ADAM12: variants seen among roughly 807,000 people sequenced by gnomAD.
ADAM12 encodes disintegrin and metalloproteinase domain-containing protein 12.
Under a neutral mutation model 106.4 loss-of-function variants are expected in ADAM12, and 70 were observed. The observed-to-expected ratio is 0.66, with a 90% CI of 0.54 to 0.80. ADAM12 has a LOEUF of 0.80. Ranked by LOEUF, ADAM12 falls within the 30% of genes least tolerant of loss-of-function variation. The pLI is 0.00. For synonymous variants in ADAM12, 420 were observed against 433.5 expected (o/e 0.97, Z 0.39); for missense variants, 1,010 against 1,171.9 (o/e 0.86, Z 2.02).
At chr10:126,074,741 C>G (rs780800314) in intron 11 of ADAM12, among the ~76,000 whole-genome samples, 4 of 152,198 alleles carry the variant, frequency 2.6e-5, no homozygotes, top group Admixed American at 2.0e-4. Flanking sequence ...CTCTGAGGAA[C>G]AGCATCCTAG....
chr10:126,256,920 A>AATG (rs35511415), intron 3 of ADAM12, among the ~76,000 whole-genome samples: 28,967 of 97,068 alleles, frequency 0.3, 3,061 homozygotes, highest in South Asian at 0.47. Context: ...TAATAATAAT[A>AATG]ATGATGATGA....
intron 3 of ADAM12, among the ~76,000 whole-genome samples, chr10:126,221,404 A>AAAAAAAAAG (rs1554989461): frequency 1.3e-5 from 2 of 149,852 alleles, no homozygotes; most frequent in African/African-American, 4.9e-5. Context: ...AAAAAAAAAA[A>AAAAAAAAAG]AAAGAAAGAA....
chr10:126,317,398 C>A (rs1218671675), intron 2 of ADAM12, among the ~76,000 whole-genome samples: 1 of 152,134 alleles, frequency 6.6e-6, no homozygotes, highest in Non-Finnish European at 1.5e-5. Flanking sequence ...TAGGTTCAAG[C>A]AAAAAGAAGA....
chr10:126,193,127 T>C (rs904056020), intron 3 of ADAM12, among the ~76,000 whole-genome samples: 5 of 151,668 alleles, frequency 3.3e-5, no homozygotes, highest in Non-Finnish European at 7.4e-5. Flanking sequence ...TAGCCGGGTG[T>C]GATGGCCTGT....
chr10:126,132,558 C>G (rs1229079964), intron 5 of ADAM12, among the ~76,000 whole-genome samples: 1 of 142,240 alleles, frequency 7.0e-6, no homozygotes, highest in African/African-American at 2.6e-5. Context: ...GTCCCAGAAT[C>G]AAAGAACAAA....
At chr10:126,069,159 A>T (rs988680566) in intron 12 of ADAM12, among the ~76,000 whole-genome samples, 7 of 152,234 alleles carry the variant, frequency 4.6e-5, no homozygotes, top group Admixed American at 3.3e-4. Flanking sequence ...TTTGCCTAAA[A>T]TTCTTAGGCA....
Position 126,094,118 on chromosome 10 carries a change from G to T in ADAM12, c.1012C>A (p.Pro338Thr). The change falls in exon 11 of 23, where the codon CCC (proline) becomes ACC (threonine). Residue 338 changes from proline (P) to threonine (T), a missense_variant. Around this residue, in one of 3 missense-constraint regions of ADAM12, gnomAD observed 391 missense variants for 442.9 expected, o/e 0.88. Transcript: ENST00000448723. ...GCCAGGGTCACGGCTGCACCAAGGGGATTGTCTGAATGGTCCTCAAAGAAA... is the reference window on the plus strand; with the variant it reads ...GCCAGGGTCACGGCTGCACCAAGGGTATTGTCTGAATGGTCCTCAAAGAAA... The part of the protein sequence containing the change: ...GGIVMDHSDN[P>T]LGAAVTLAHE... 2 of 1,614,050 alleles carry T rather than the reference G, an allele frequency of 1.2e-6. No homozygotes were observed. Among genetic ancestry groups the T allele is most frequent in the South Asian group, 1.1e-5 (1 of 91,052 alleles).
intron 5 of ADAM12, among the ~76,000 whole-genome samples, chr10:126,121,284 A>C (rs1956103837): frequency 8.8e-6 from 1 of 113,412 alleles, no homozygotes; most frequent in Non-Finnish European, 1.6e-5. Flanking sequence ...ATAATATACT[A>C]TATTATATTA....
At chr10:126,288,044 G>A (rs916222528) in intron 2 of ADAM12, among the ~76,000 whole-genome samples, 2 of 151,836 alleles carry the variant, frequency 1.3e-5, no homozygotes, top group African/African-American at 4.8e-5. Context: ...CCCCAAAGCT[G>A]CAAAGGTCCC....
In ADAM12 at chr10:126,016,711, G is replaced by C. The variant is rs10751538; in HGVS notation, c.*568C>G. 105,149 of 152,196 alleles carry C rather than the reference G, an allele frequency of 0.69. 36,679 individuals carry two copies. Among genetic ancestry groups the C allele is most frequent in the East Asian group, 0.77 (3,979 of 5,164 alleles). 9.4% of individuals were successfully genotyped at this position (152,196 alleles called of 1,614,324 possible). Reference sequence around the variant, plus strand: ...TGGCCAGAAGCCAGATTTCTCCCAGGTGTCCCTGGGAGCCTGCCTGCCAGT... The same window carrying C: ...TGGCCAGAAGCCAGATTTCTCCCAGCTGTCCCTGGGAGCCTGCCTGCCAGT... On this transcript the variant is annotated 3_prime_UTR_variant, in exon 23 of 23. Coordinates refer to ENST00000448723, the MANE Select transcript of ADAM12 (RefSeq NM_001288973.2).
At chr10:126,294,321 A>G (rs1383130163) in intron 2 of ADAM12, among the ~76,000 whole-genome samples, 1 of 152,244 alleles carries the variant, frequency 6.6e-6, no homozygotes, top group African/African-American at 2.4e-5. Flanking sequence ...AGACCAAAAT[A>G]GAAAATGTAG....
At chr10:126,022,005 ATAAT>A (rs1953776554) in intron 21 of ADAM12, among the ~76,000 whole-genome samples, 1 of 152,236 alleles carries the variant, frequency 6.6e-6, no homozygotes, top group Admixed American at 6.5e-5. Context: ...TCAAATTGAA[ATAAT>A]TAGCAATACT....
chr10:126,353,320 G>A (rs1333921359), intron 1 of ADAM12, among the ~76,000 whole-genome samples: 1 of 152,122 alleles, frequency 6.6e-6, no homozygotes, highest in Non-Finnish European at 1.5e-5. Flanking sequence ...AAGATGTTAC[G>A]GTACAAGTGG....
chr10:126,327,123 C>T (rs1171114017), intron 2 of ADAM12, among the ~76,000 whole-genome samples: 7 of 152,164 alleles, frequency 4.6e-5, no homozygotes, highest in Non-Finnish European at 1.0e-4. Context: ...AATGGAGGGA[C>T]AGTCAGAGCC....
At chr10:126,202,471 T>C (rs1957720479) in intron 3 of ADAM12, among the ~76,000 whole-genome samples, 1 of 152,018 alleles carries the variant, frequency 6.6e-6, no homozygotes, top group Non-Finnish European at 1.5e-5. Context: ...AATCCGAGGG[T>C]TTGAAAAACC....
chr10:126,042,939 G>A, intron 18 of ADAM12, 101 bp downstream of exon 18: 1 of 1,184,692 alleles, frequency 8.4e-7, no homozygotes, highest in African/African-American at 1.5e-5. Flanking sequence ...TCCCCACTGG[G>A]TTTCTTGTTG....
intron 3 of ADAM12, among the ~76,000 whole-genome samples, chr10:126,159,392 TAA>T (rs1956894556): frequency 6.6e-6 from 1 of 151,962 alleles, no homozygotes; most frequent in South Asian, 2.1e-4. Flanking sequence ...TAATGTAGAT[TAA>T]GTTATATTAA....
At chr10:126,154,744 C>T (rs1956783223) in intron 4 of ADAM12, among the ~76,000 whole-genome samples, 1 of 152,060 alleles carries the variant, frequency 6.6e-6, no homozygotes, top group Admixed American at 6.5e-5. Context: ...AGAAACACTG[C>T]CTGAGAGGGG....
At chr10:126,330,380 G>T in intron 2 of ADAM12, 32 bp downstream of exon 2, 1 of 1,562,604 alleles carries the variant, frequency 6.4e-7, no homozygotes, top group Non-Finnish European at 8.8e-7. Flanking sequence ...AGCTTCGGCA[G>T]TCTCAAAGCT....
Sources: allele counts gnomAD v4.1 joint callset (sites outside exome capture counted in the v4.1 genomes callset), GRCh38; gene constraint gnomAD v4.1.1; regional missense constraint gnomAD v4.1.1; transcripts MANE v1.5; gene names NCBI Gene and HGNC (gene_info 2026-07-23, HGNC 2026-07-21).